TULP1: variants seen among roughly 807,000 people sequenced by gnomAD.
The protein encoded by TULP1 is TUB like protein 1.
TULP1 carries 50 observed loss-of-function variants against 67.1 expected under a neutral mutation model. The observed-to-expected ratio is 0.75, with a 90% CI of 0.59 to 0.94. TULP1 has a LOEUF of 0.94. Among genes scored for constraint, TULP1 ranks in the 40% least tolerant of loss-of-function variants. The pLI is 0.00. For missense variants in TULP1, 746 were observed against 734.1 expected, an observed-to-expected ratio of 1.02 and a Z score of -0.19; for synonymous variants, 297 against 294.0, an observed-to-expected ratio of 1.01 and a Z score of -0.11.
chr6:35,507,770 C>T (rs187417295), intron 8 of TULP1, among the ~76,000 whole-genome samples: 300 of 152,190 alleles, frequency 2.0e-3, no homozygotes, highest in African/African-American at 6.8e-3. Flanking sequence ...TTGGGAGCCA[C>T]GAAGAATCCA....
intron 3 of TULP1, 108 bp downstream of exon 3, chr6:35,512,072 C>A: frequency 1.6e-6 from 1 of 609,096 alleles, no homozygotes; most frequent in Non-Finnish European, 2.5e-6. Context: ...CCCGCCCCCT[C>A]CTCCCCCACC....
At chr6:35,511,573 C>G in intron 4 of TULP1, 75 bp downstream of exon 4, 1 of 1,550,616 alleles carries the variant, frequency 6.4e-7, no homozygotes, top group Non-Finnish European at 8.7e-7. Context: ...CTCTCTGGGC[C>G]GTTCCCGTCC....
In TULP1 at chr6:35,498,871, G is replaced by C. The variant is rs905565899; in HGVS notation, c.1496-411C>G. Among the ~76,000 whole-genome samples, 2 of 152,076 alleles carry C rather than the reference G, an allele frequency of 1.3e-5. No homozygotes were observed. Among genetic ancestry groups the C allele is most frequent in the African/African-American group, 4.8e-5 (2 of 41,394 alleles). On this transcript the variant is annotated intron_variant, in intron 14 of 14. Coordinates refer to ENST00000229771, the MANE Select transcript of TULP1 (RefSeq NM_003322.6). The surrounding 1 kb of genome is among the most constrained non-coding windows in gnomAD (Gnocchi z 6.7). Reference sequence around the variant, plus strand: ...CAGCTCCACCCCTTGACTAGCCCCTGGTTCCCTTCCTCAGCCTCACTGGGC... The same window carrying C: ...CAGCTCCACCCCTTGACTAGCCCCTCGTTCCCTTCCTCAGCCTCACTGGGC...
intron 11 of TULP1, among the ~76,000 whole-genome samples, chr6:35,504,336 C>G (rs1365477874): frequency 6.6e-6 from 1 of 151,912 alleles, no homozygotes; most frequent in Non-Finnish European, 1.5e-5. Flanking sequence ...CAGAGTAAGA[C>G]CCAGTCTCCA....
At chr6:35,505,435 C>T in intron 11 of TULP1, 1 of 526,248 alleles carries the variant, frequency 1.9e-6, no homozygotes, top group South Asian at 1.7e-5. Context: ...CTAAACAAGG[C>T]AGGCACAGTG....
chr6:35,501,529 A>AT (rs57326453), intron 13 of TULP1, among the ~76,000 whole-genome samples: 2 of 148,282 alleles, frequency 1.3e-5, no homozygotes, highest in Non-Finnish European at 1.5e-5. Context: ...AAAAAAAAAA[A>AT]GGCTGGGCAC....
In TULP1 at chr6:35,498,424, TC is replaced by T; in HGVS notation, c.1531del (p.Glu511ArgfsTer6). 6.2e-7 allele frequency: 1 copy of T among 1,613,936 alleles called. No homozygotes were observed. Among genetic ancestry groups the T allele is most frequent in the Non-Finnish European group, 8.5e-7 (1 of 1,180,020 alleles). ...CCGGTAGTCTAGGGTGAAGGCGTCC[TC>T]CGCCACGCGGCCGAACTGCAGCACG... ...YIVLQFGRVAEDAFTLDYRYP... is the reference protein window; with the variant it reads ...YIVLQFGRVAXDAFTLDYRYP... On this transcript the variant is annotated frameshift_variant, in exon 15 of 15. Coordinates refer to ENST00000229771, the MANE Select transcript of TULP1 (RefSeq NM_003322.6). LOFTEE classifies it high-confidence loss of function. This position sits in a 1 kb window ranked among gnomAD's most constrained non-coding sequence, Gnocchi z 6.7.
In TULP1 at chr6:35,503,532, CA is replaced by C. The variant is rs1397042049; in HGVS notation, c.1323+26del. The C allele has an allele frequency of 1.3e-6, 2 of 1,550,416 alleles. No homozygotes were observed. Among genetic ancestry groups the C allele is most frequent in the South Asian group, 2.4e-5 (2 of 84,144 alleles). On this transcript the variant is annotated intron_variant, in intron 13 of 14. Coordinates refer to ENST00000229771, the MANE Select transcript of TULP1 (RefSeq NM_003322.6). The surrounding 1 kb of genome is among the most constrained non-coding windows in gnomAD (Gnocchi z 4.0). ...GACTCCTGTTTCTCACATAGGGAGC[CA>C]GGGGCCAGGGAGGTGCGGGGCTCAC...
In TULP1 at chr6:35,503,305, A is replaced by G. The variant is rs1761007848; in HGVS notation, c.1323+254T>C. ...TGCCTAGGATAATACTTGGCACTCA[A>G]TATGTGTGGTCAATGAAGATATGAA... On this transcript the variant is annotated intron_variant, in intron 13 of 14. Transcript: ENST00000229771. The surrounding 1 kb of genome is among the most constrained non-coding windows in gnomAD (Gnocchi z 4.0). 2.0e-6 allele frequency: 1 copy of G among 502,718 alleles called. No individual in the cohort carries two copies. Among genetic ancestry groups the G allele is most frequent in the Non-Finnish European group, 3.6e-6 (1 of 275,280 alleles). 31.1% of individuals were successfully genotyped at this position (502,718 alleles called of 1,614,324 possible).
rs1432886863 is a variant in TULP1, at chr6:35,509,277, C to T, written c.754G>A (p.Glu252Lys). The T allele has an allele frequency of 5.0e-6, 8 of 1,613,930 alleles. No homozygotes were observed. In the Admixed American group the frequency reaches 1.0e-4, roughly 20 times the overall value. Residue 252 changes from glutamate (E) to lysine (K), a missense_variant, in exon 8 of 15, where the codon GAG (glutamate) becomes AAG (lysine). By Grantham distance (56) the Glu-to-Lys change is moderately conservative. Coordinates refer to ENST00000229771, the MANE Select transcript of TULP1 (RefSeq NM_003322.6). ...TTTATCACCGTAGCTGCCTCCTCCT[C>T]CTCTTCTTCCTCCTTCCTCGCGCCT... ...PKGARKEEEEEEEAATVIKKS... is the reference protein window; with the variant it reads ...PKGARKEEEEKEEAATVIKKS...
chr6:35,507,518 T>C (rs1346001020), intron 8 of TULP1, among the ~76,000 whole-genome samples: 1 of 152,224 alleles, frequency 6.6e-6, no homozygotes, highest in Non-Finnish European at 1.5e-5. Context: ...AGTTAACACA[T>C]GAATGAATAT....
chr6:35,511,086 G>T, intron 4 of TULP1, 76 bp from the exon 5 acceptor site: 2 of 1,590,200 alleles, frequency 1.3e-6, no homozygotes, highest in South Asian at 2.2e-5. Context: ...CCTCCAGACT[G>T]CTGGGAAGTG....
rs1445472683 is a variant in TULP1 at position 35,503,407 on chromosome 6, TAC to T, written c.1323+150_1323+151del. On this transcript the variant is annotated intron_variant, in intron 13 of 14. Transcript: ENST00000229771. This position sits in a 1 kb window ranked among gnomAD's most constrained non-coding sequence, Gnocchi z 4.0. ...ATTGTGGTTTTTCAGTGAATTCAAT[TAC>T]AAAAAGCCCAAGTCCATTCCCTAGG... The T allele has an allele frequency of 3.6e-5, 28 of 777,812 alleles. No individual in the cohort carries two copies. Among genetic ancestry groups the T allele is most frequent in the Middle Eastern group, 2.3e-4 (1 of 4,314 alleles). 48.2% of individuals were successfully genotyped at this position (777,812 alleles called of 1,614,324 possible). A position where few individuals can be genotyped will look rare whatever the true frequency, so the allele number is the denominator to read the frequency against.
At chr6:35,510,149 G>A in intron 5 of TULP1, among the ~76,000 whole-genome samples, 1 of 152,004 alleles carries the variant, frequency 6.6e-6, no homozygotes, top group East Asian at 1.9e-4. Flanking sequence ...CACCTCCAGG[G>A]TTCAAGTGAT....
chr6:35,506,308 C>T (rs778389983), intron 8 of TULP1, 29 bp from the exon 9 acceptor site: 2 of 1,555,642 alleles, frequency 1.3e-6, no homozygotes, highest in Non-Finnish European at 1.7e-6. Context: ...GAGAGGCTGG[C>T]TAGAGCAGGG....
intron 3 of TULP1, 156 bp downstream of exon 3, chr6:35,512,024 C>T: frequency 1.9e-6 from 1 of 515,188 alleles, no homozygotes; most frequent in Non-Finnish European, 3.3e-6. Context: ...CCAACCCCAA[C>T]CCCAACCCCA....
rs1204287428 is a variant in TULP1, at chr6:35,503,068, G to T, written c.1323+491C>A. ...TTCTCCTGCCTCAGCCTCCCAAGTAGCTGGGACTATAGGCGCCCGCCACCA... is the reference window on the plus strand; with the variant it reads ...TTCTCCTGCCTCAGCCTCCCAAGTATCTGGGACTATAGGCGCCCGCCACCA... On this transcript the variant is annotated intron_variant, in intron 13 of 14. Transcript: ENST00000229771. This position sits in a 1 kb window ranked among gnomAD's most constrained non-coding sequence, Gnocchi z 4.0. Among the ~76,000 whole-genome samples the T allele has an allele frequency of 6.6e-6, 1 of 152,008 alleles. No homozygotes were observed. The highest frequency in any genetic ancestry group is 1.5e-5 in the Non-Finnish European group (1 of 68,018).
chr6:35,504,636 C>T (rs1761044578), intron 11 of TULP1, among the ~76,000 whole-genome samples: 1 of 152,162 alleles, frequency 6.6e-6, no homozygotes, highest in East Asian at 1.9e-4. Flanking sequence ...TCTCTGCTCA[C>T]TGCAAGCTCC....
chr6:35,502,286 G>A (rs962896788), intron 13 of TULP1, among the ~76,000 whole-genome samples: 21 of 145,840 alleles, frequency 1.4e-4, no homozygotes, highest in South Asian at 4.5e-4. Flanking sequence ...CTCCGCCTCC[G>A]GGGTTCAAGT....
Sources: gnomAD v4.1 joint callset for allele counts (sites outside exome capture counted in the v4.1 genomes callset) on GRCh38, gnomAD v4.1.1 for gene constraint, Gnocchi (gnomAD v3.1) non-coding constraint, MANE v1.5 for transcripts, NCBI Gene and HGNC (gene_info 2026-07-23, HGNC 2026-07-21) for gene names.